Variants in LRRC7 observed in about 807,000 individuals in gnomAD.
LRRC7 encodes the protein leucine-rich repeat-containing protein 7.
Under a neutral mutation model 175.7 loss-of-function variants are expected in LRRC7, and 23 were observed. The ratio of observed to expected loss-of-function variants is 0.13; its 90% CI spans 0.09 to 0.19. The LOEUF is 0.19. Among genes scored for constraint, LRRC7 ranks in the 10% least tolerant of loss-of-function variants. LRRC7 has a pLI of 1.00. For missense variants in LRRC7, 1,354 were observed against 1,904.7 expected, an observed-to-expected ratio of 0.71 and a Z score of 5.38; for synonymous variants, 685 against 680.9, an observed-to-expected ratio of 1.01 and a Z score of -0.09.
At chr1:69,760,849 T>A (rs1670962845) in intron 3 of LRRC7, among the ~76,000 whole-genome samples, 1 of 152,058 alleles carries the variant, frequency 6.6e-6, no homozygotes, top group South Asian at 2.1e-4. Flanking sequence ...AAAAACATGT[T>A]TTTGTACCTG....
At chr1:69,786,056 C>T (rs1674374248) in intron 3 of LRRC7, among the ~76,000 whole-genome samples, 1 of 152,052 alleles carries the variant, frequency 6.6e-6, no homozygotes, top group Non-Finnish European at 1.5e-5. Context: ...ACATCTCACT[C>T]AAGTCAATTA....
At chr1:69,965,763 A>C (rs1651601729) in intron 8 of LRRC7, among the ~76,000 whole-genome samples, 1 of 152,082 alleles carries the variant, frequency 6.6e-6, no homozygotes, top group Admixed American at 6.5e-5. Flanking sequence ...TGAAAAAGCT[A>C]AACAGTCTCA....
intron 7 of LRRC7, among the ~76,000 whole-genome samples, chr1:69,924,835 T>C (rs1177999492): frequency 6.6e-6 from 1 of 152,182 alleles, no homozygotes; most frequent in Non-Finnish European, 1.5e-5. Context: ...TCCAACACTA[T>C]GTTGAATAGG....
chr1:69,772,869 A>G (rs1485166423), intron 3 of LRRC7, among the ~76,000 whole-genome samples: 5 of 152,332 alleles, frequency 3.3e-5, no homozygotes, highest in South Asian at 2.1e-4. Context: ...GAAAGCCAAG[A>G]AAAGAACAGA....
chr1:69,896,150 T>C (rs11209577), intron 7 of LRRC7, among the ~76,000 whole-genome samples: 21,662 of 152,072 alleles, frequency 0.14, 2,270 homozygotes, highest in African/African-American at 0.3. Flanking sequence ...GTGCTTCTTT[T>C]TTTTAATTGT....
At chr1:70,025,428 A>G (rs1426374285) in intron 17 of LRRC7, among the ~76,000 whole-genome samples, 2 of 151,952 alleles carry the variant, frequency 1.3e-5, no homozygotes, top group Non-Finnish European at 1.5e-5. Flanking sequence ...AAAGATCCAG[A>G]CAGTTACAGA....
At chr1:69,965,628 A>T (rs1325209915) in intron 8 of LRRC7, among the ~76,000 whole-genome samples, 2 of 152,114 alleles carry the variant, frequency 1.3e-5, no homozygotes, top group African/African-American at 4.8e-5. Context: ...AAAAAATTTT[A>T]AAAATTTATG....
At chr1:69,720,221 A>C (rs1454037321) in intron 2 of LRRC7, among the ~76,000 whole-genome samples, 2 of 151,628 alleles carry the variant, frequency 1.3e-5, no homozygotes, top group East Asian at 1.9e-4. Flanking sequence ...TTTGGAAATA[A>C]ACAGATACTT....
chr1:69,786,923 C>A (rs1674517115), intron 3 of LRRC7, among the ~76,000 whole-genome samples: 1 of 152,178 alleles, frequency 6.6e-6, no homozygotes, highest in Non-Finnish European at 1.5e-5. Context: ...CTCATTTCAG[C>A]ATTAACTCAA....
chr1:69,984,241 A>G (rs1653720455), intron 9 of LRRC7, among the ~76,000 whole-genome samples: 2 of 152,148 alleles, frequency 1.3e-5, no homozygotes, highest in South Asian at 4.1e-4. Context: ...TACATTTCTA[A>G]CAAGCTCCCA....
chr1:69,842,973 C>A (rs1681899242), intron 7 of LRRC7, among the ~76,000 whole-genome samples: 1 of 151,934 alleles, frequency 6.6e-6, no homozygotes, highest in Non-Finnish European at 1.5e-5. Context: ...CCAAGGCAGG[C>A]CAATCACTTG....
chr1:69,924,286 G>C (rs1441382665), intron 7 of LRRC7, among the ~76,000 whole-genome samples: 6 of 152,016 alleles, frequency 3.9e-5, no homozygotes, highest in Admixed American at 3.3e-4. Context: ...GGCGATGCGG[G>C]CTCTTTTTTG....
chr1:69,621,794 C>CT (rs1650656350), intron 1 of LRRC7, among the ~76,000 whole-genome samples: 1 of 152,192 alleles, frequency 6.6e-6, no homozygotes, highest in Non-Finnish European at 1.5e-5. Context: ...CCTTACTGGA[C>CT]TGGACCACTC....
intron 7 of LRRC7, among the ~76,000 whole-genome samples, chr1:69,930,472 T>C (rs1647262881): frequency 6.6e-6 from 1 of 152,204 alleles, no homozygotes; most frequent in Non-Finnish European, 1.5e-5. Flanking sequence ...AAGGACAGAA[T>C]TCTGATTAGT....
chr1:69,969,362 CAACT>C (rs1328981374), intron 8 of LRRC7, among the ~76,000 whole-genome samples: 29 of 152,238 alleles, frequency 1.9e-4, no homozygotes, highest in Non-Finnish European at 3.1e-4. Context: ...ATTCACCAAC[CAACT>C]ATGTGCTGCC....
intron 2 of LRRC7, among the ~76,000 whole-genome samples, chr1:69,717,013 GGGA>G (rs1665432210): frequency 6.6e-6 from 1 of 151,428 alleles, no homozygotes; most frequent in African/African-American, 2.4e-5. Flanking sequence ...GTATGGGGAA[GGGA>G]ACTAAGTTTG....
At chr1:69,670,534 C>T (rs1658922613) in intron 1 of LRRC7, among the ~76,000 whole-genome samples, 1 of 152,150 alleles carries the variant, frequency 6.6e-6, no homozygotes, top group Admixed American at 6.5e-5. Flanking sequence ...TCAGTCAAGG[C>T]CCTGAAGTTC....
chr1:69,846,185 T>TA (rs1332398251), intron 7 of LRRC7, among the ~76,000 whole-genome samples: 1 of 152,160 alleles, frequency 6.6e-6, no homozygotes, highest in African/African-American at 2.4e-5. Context: ...GAGTCACTTC[T>TA]AAAATATCAA....
intron 1 of LRRC7, among the ~76,000 whole-genome samples, chr1:69,630,826 A>C (rs963453615): frequency 6.6e-6 from 1 of 152,108 alleles, no homozygotes; most frequent in Non-Finnish European, 1.5e-5. Flanking sequence ...AGAAACTGTC[A>C]AAAGAATTAG....
Sources: allele counts gnomAD v4.1 joint callset (sites outside exome capture counted in the v4.1 genomes callset), GRCh38; gene constraint gnomAD v4.1.1; transcripts MANE v1.5; gene names NCBI Gene and HGNC (gene_info 2026-07-23, HGNC 2026-07-21).